TMEM117: variants seen among roughly 807,000 people sequenced by gnomAD.
The protein encoded by TMEM117 is transmembrane protein 117.
A neutral mutation model predicts 52.4 loss-of-function variants in TMEM117; 27 were observed. The observed-to-expected ratio is 0.51, with a 90% CI of 0.38 to 0.71. The LOEUF (loss-of-function observed/expected upper bound fraction) is 0.71. TMEM117 is among the 30% of genes least tolerant of loss of function. The pLI, the probability that TMEM117 is intolerant of heterozygous loss-of-function variation, is 0.00. For missense variants in TMEM117, 556 were observed against 630.5 expected (o/e 0.88, Z 1.26); for synonymous variants, 215 against 206.3 (o/e 1.04, Z -0.36).
chr12:44,293,517 T>G (rs145043320), intron 5 of TMEM117, among the ~76,000 whole-genome samples: 1 of 152,248 alleles, frequency 6.6e-6, no homozygotes, highest in Non-Finnish European at 1.5e-5. Context: ...CTGCTGTCTT[T>G]CTTTGTATTT....
intron 3 of TMEM117, among the ~76,000 whole-genome samples, chr12:44,077,152 TA>T (rs1398347373): frequency 6.6e-6 from 1 of 152,144 alleles, no homozygotes; most frequent in African/African-American, 2.4e-5. Context: ...TTAATATTCT[TA>T]ACCTGCTGAA....
intron 4 of TMEM117, among the ~76,000 whole-genome samples, chr12:44,147,601 G>A (rs908042383): frequency 6.6e-6 from 1 of 152,038 alleles, no homozygotes; most frequent in South Asian, 2.1e-4. Context: ...TCTTGTTGGG[G>A]TGAGGGGTAT....
rs565425525 is a variant in TMEM117 at position 44,027,836 on chromosome 12, G to A, written c.410+83494G>A. On this transcript the variant is annotated intron_variant, in intron 3 of 7. Transcript: ENST00000266534. ...GTGAGTTCAGGCCTTTGGACCCCTC[G>A]TGTTAGTCTAGAGTTAGCTGTTACA... Among the ~76,000 whole-genome samples the A allele has an allele frequency of 4.6e-5, 7 of 152,272 alleles. No homozygotes were observed. In the East Asian group the frequency reaches 5.8e-4, roughly 13 times the overall value.
intron 5 of TMEM117, among the ~76,000 whole-genome samples, chr12:44,293,165 A>G (rs1392953230): frequency 6.6e-6 from 1 of 151,968 alleles, no homozygotes; most frequent in African/African-American, 2.4e-5. Flanking sequence ...ACTTGTTATT[A>G]TATAATGACC....
chr12:43,905,856 T>C (rs1944378054), intron 2 of TMEM117, among the ~76,000 whole-genome samples: 1 of 152,204 alleles, frequency 6.6e-6, no homozygotes, highest in African/African-American at 2.4e-5. Flanking sequence ...AATCTTTCTG[T>C]AGCTTTTGCT....
intron 6 of TMEM117, among the ~76,000 whole-genome samples, chr12:44,359,271 A>G (rs1951691108): frequency 6.6e-6 from 1 of 152,060 alleles, no homozygotes; most frequent in East Asian, 1.9e-4. Context: ...GTGTATATAT[A>G]TATATGTGTG....
At chr12:43,857,896 T>C (rs1199164109) in intron 2 of TMEM117, among the ~76,000 whole-genome samples, 1 of 152,016 alleles carries the variant, frequency 6.6e-6, no homozygotes, top group Non-Finnish European at 1.5e-5. Flanking sequence ...AAATAAGTGG[T>C]GGTAGGTGGG....
At chr12:44,013,820 T>C (rs1489973012) in intron 3 of TMEM117, among the ~76,000 whole-genome samples, 1 of 152,184 alleles carries the variant, frequency 6.6e-6, no homozygotes, top group Non-Finnish European at 1.5e-5. Flanking sequence ...CCTGTCTGTC[T>C]CTCCAATTTG....
At chr12:44,184,447 A>G (rs1224121539) in intron 4 of TMEM117, among the ~76,000 whole-genome samples, 1 of 152,146 alleles carries the variant, frequency 6.6e-6, no homozygotes, top group Non-Finnish European at 1.5e-5. Context: ...AAGGCAGAAG[A>G]GTTAGGGAGA....
chr12:43,808,419 A>G, the TMEM117 span, among the ~76,000 whole-genome samples: 7 of 152,196 alleles, frequency 4.6e-5, no homozygotes, highest in Non-Finnish European at 7.3e-5. Context: ...GGTTTACCCA[A>G]TATACACTGC....
Position 43,951,896 on chromosome 12 carries a change from G to A in TMEM117, c.410+7554G>A, listed in dbSNP as rs1945229592. Reference sequence around the variant, plus strand: ...CACCTGATGCAGGAGAGCTCTGGCTGACATCAGGTTGGTACCCCTCTGGGA... The same window carrying A: ...CACCTGATGCAGGAGAGCTCTGGCTAACATCAGGTTGGTACCCCTCTGGGA... On this transcript the variant is annotated intron_variant, in intron 3 of 7. Transcript: ENST00000266534. Among the ~76,000 whole-genome samples the A allele has an allele frequency of 2.0e-5, 3 of 152,286 alleles. No individual in the cohort carries two copies. In the South Asian group the frequency reaches 6.2e-4, roughly 32 times the overall value.
At chr12:44,043,375 G>T (rs1409671194) in intron 3 of TMEM117, among the ~76,000 whole-genome samples, 2 of 152,194 alleles carry the variant, frequency 1.3e-5, no homozygotes, top group Non-Finnish European at 2.9e-5. Context: ...TACTGTTAAA[G>T]TGAGGTCATT....
chr12:44,088,906 T>G (rs1198307656), intron 3 of TMEM117, among the ~76,000 whole-genome samples: 1 of 152,238 alleles, frequency 6.6e-6, no homozygotes, highest in South Asian at 2.1e-4. Context: ...AAACACTATA[T>G]GCCTGGGAGC....
intron 5 of TMEM117, among the ~76,000 whole-genome samples, chr12:44,224,406 A>T (rs1182576711): frequency 6.6e-6 from 1 of 151,870 alleles, no homozygotes; most frequent in Non-Finnish European, 1.5e-5. Flanking sequence ...TTCATTGATG[A>T]CTCTTCTCTA....
chr12:44,204,697 A>G (rs955392095), intron 4 of TMEM117, among the ~76,000 whole-genome samples: 1 of 152,150 alleles, frequency 6.6e-6, no homozygotes, highest in African/African-American at 2.4e-5. Context: ...ATTGGTACAA[A>G]AACAAATACA....
At chr12:43,891,418 G>A (rs540309492) in intron 2 of TMEM117, among the ~76,000 whole-genome samples, 64 of 112,404 alleles carry the variant, frequency 5.7e-4, no homozygotes, top group African/African-American at 1.9e-3. Context: ...TGTCACCCAG[G>A]CTGGAGTGCA....
intron 3 of TMEM117, among the ~76,000 whole-genome samples, chr12:44,141,128 T>G (rs777788566): frequency 3.3e-5 from 5 of 152,172 alleles, no homozygotes; most frequent in Non-Finnish European, 5.9e-5. Flanking sequence ...GTTAACACTT[T>G]TGATTAACAT....
At chr12:43,914,411 T>G (rs1351351973) in intron 2 of TMEM117, among the ~76,000 whole-genome samples, 2 of 152,174 alleles carry the variant, frequency 1.3e-5, no homozygotes, top group East Asian at 3.9e-4. Flanking sequence ...ATCCCTGCAC[T>G]AAGTCTGATC....
At position 44,304,282 on chromosome 12, in the gene TMEM117, C is replaced by T. The variant is rs74238368; in HGVS notation, c.768+4543C>T. Among the ~76,000 whole-genome samples the T allele has an allele frequency of 3.6e-3, 554 of 152,284 alleles. 16 individuals carry two copies. In the East Asian group the frequency reaches 0.067, roughly 18 times the overall value. Reference sequence around the variant, plus strand: ...GCAACACAGGGCAAAATTCAGCTGGCACACATAGAGAGCATCTAGACCAGC... The same window carrying T: ...GCAACACAGGGCAAAATTCAGCTGGTACACATAGAGAGCATCTAGACCAGC... On this transcript the variant is annotated intron_variant, in intron 6 of 7. Coordinates refer to ENST00000266534, the MANE Select transcript of TMEM117 (RefSeq NM_032256.3).
Sources: gnomAD v4.1 joint callset for allele counts (sites outside exome capture counted in the v4.1 genomes callset) on GRCh38, gnomAD v4.1.1 for gene constraint, MANE v1.5 for transcripts, NCBI Gene and HGNC (gene_info 2026-07-23, HGNC 2026-07-21) for gene names.